TTBK1: variants seen among roughly 807,000 people sequenced by gnomAD.
TTBK1 encodes the protein tau-tubulin kinase 1.
Under a neutral mutation model 108.5 loss-of-function variants are expected in TTBK1, and 34 were observed. The observed-to-expected ratio is 0.31, with a 90% CI of 0.24 to 0.42. The LOEUF is 0.42. Among genes scored for constraint, TTBK1 ranks in the 10% least tolerant of loss-of-function variants. The pLI is 1.00. For synonymous variants in TTBK1, 809 were observed against 795.1 expected, an observed-to-expected ratio of 1.02 and a Z score of -0.29; for missense variants, 1,539 against 1,826.0, an observed-to-expected ratio of 0.84 and a Z score of 2.86.
chr6:43,254,966 A>G, intron 6 of TTBK1, 83 bp from the exon 7 acceptor site: 1 of 1,360,318 alleles, frequency 7.4e-7, no homozygotes, highest in Non-Finnish European at 1.1e-6. Context: ...GTCAGGGTGA[A>G]GAGTTAGACT....
chr6:43,253,182 G>A lies in TTBK1; in HGVS notation c.257-109G>A. The A allele has an allele frequency of 8.1e-7, 1 of 1,231,316 alleles. No homozygotes were observed. The allele number at this position is 1,231,316 out of a possible 1,614,324, so 76.3% of individuals were successfully genotyped here. On this transcript the variant is annotated intron_variant, in intron 3 of 14. Transcript: ENST00000259750. This position sits in a 1 kb window ranked among gnomAD's most constrained non-coding sequence, Gnocchi z 5.8. ...GAGGTGGCAAGACAGGTGCTCACAG[G>A]GCCAGCACTGGAGGGACCAGGAATC...
At chr6:43,258,646 C>T (rs1188159845) in intron 10 of TTBK1, among the ~76,000 whole-genome samples, 4 of 152,092 alleles carry the variant, frequency 2.6e-5, no homozygotes, top group Non-Finnish European at 5.9e-5. Context: ...ATCTATGCTC[C>T]CAGACTGCAA....
chr6:43,284,739 TGAG>T (rs1187180246), intron 14 of TTBK1, among the ~76,000 whole-genome samples: 1 of 152,142 alleles, frequency 6.6e-6, no homozygotes, highest in Non-Finnish European at 1.5e-5. Context: ...AAAGATGAAA[TGAG>T]GACCCCAAAG....
chr6:43,274,014 G>A (rs1436101339), intron 13 of TTBK1, among the ~76,000 whole-genome samples: 1 of 152,216 alleles, frequency 6.6e-6, no homozygotes, highest in African/African-American at 2.4e-5. Flanking sequence ...GCCTGAATGA[G>A]TGTGGGGGCC....
In TTBK1 at chr6:43,285,757, C is replaced by T. The variant is rs192548152; in HGVS notation, c.*381C>T. The T allele has an allele frequency of 6.1e-5, 10 of 164,470 alleles. No homozygotes were observed. Among genetic ancestry groups the T allele is most frequent in the Admixed American group, 1.3e-4 (2 of 15,554 alleles). 10.2% of individuals were successfully genotyped at this position (164,470 alleles called of 1,614,324 possible). A position where few individuals can be genotyped will look rare whatever the true frequency, so the allele number is the denominator to read the frequency against. ...TCGTTCGCCCACCAGGCCTAGGCTA[C>T]GCTCCATGCTCCCCCAGCAATCTCT... On this transcript the variant is annotated 3_prime_UTR_variant, in exon 15 of 15. Coordinates refer to ENST00000259750, the MANE Select transcript of TTBK1 (RefSeq NM_032538.3). The surrounding 1 kb of genome is among the most constrained non-coding windows in gnomAD (Gnocchi z 4.7).
Position 43,257,391 on chromosome 6 carries a change from G to A in TTBK1, c.862-421G>A, listed in dbSNP as rs546713720. Reference sequence around the variant, plus strand: ...CAGCTGTATGGTGGAGAGAATTTACGGTGAAGAGAAGGGAAGCTGCAGAGA... The same window carrying A: ...CAGCTGTATGGTGGAGAGAATTTACAGTGAAGAGAAGGGAAGCTGCAGAGA... On this transcript the variant is annotated intron_variant, in intron 9 of 14. Coordinates refer to ENST00000259750, the MANE Select transcript of TTBK1 (RefSeq NM_032538.3). The surrounding 1 kb of genome is among the most constrained non-coding windows in gnomAD (Gnocchi z 4.5). Among the ~76,000 whole-genome samples the A allele has an allele frequency of 3.9e-5, 6 of 152,150 alleles. No homozygotes were observed. Among genetic ancestry groups the A allele is most frequent in the Non-Finnish European group, 8.8e-5 (6 of 68,022 alleles).
At position 43,253,422 on chromosome 6, in the gene TTBK1, G is replaced by A. The variant is rs1012731837; in HGVS notation, c.330+58G>A. 3 of 1,608,572 alleles carry A rather than the reference G, an allele frequency of 1.9e-6. No individual in the cohort carries two copies. The highest frequency in any genetic ancestry group is 3.4e-5 in the Admixed American group (2 of 59,424). On this transcript the variant is annotated intron_variant, in intron 4 of 14. Transcript: ENST00000259750. The surrounding 1 kb of genome is among the most constrained non-coding windows in gnomAD (Gnocchi z 5.8). ...TCTAAGAGCTTGGGCTGTGACTCCA[G>A]GGTAGGGGAAGGGAAGGTAGACTGT...
In TTBK1 at chr6:43,263,404, G is replaced by T. The variant is rs1777599698; in HGVS notation, c.1986+54G>T. ...ATCTCCAGATGCCCAGAGTCCTGGT[G>T]TGTAGGCCTGGGGTGCTCCATGTGT... is the stretch of plus-strand genomic sequence containing the variant. On this transcript the variant is annotated intron_variant, in intron 13 of 14. Transcript: ENST00000259750. The surrounding 1 kb of genome is among the most constrained non-coding windows in gnomAD (Gnocchi z 4.7). 3 of 1,432,284 alleles carry T rather than the reference G, an allele frequency of 2.1e-6. No homozygotes were observed. The East Asian group carries it at 7.6e-5, about 36-fold the overall frequency. The allele number at this position is 1,432,284 out of a possible 1,614,324, so 88.7% of individuals were successfully genotyped here.
chr6:43,263,259 C>T lies in TTBK1; in HGVS notation c.1895C>T (p.Pro632Leu), dbSNP rs912285515. The T allele has an allele frequency of 6.5e-7, 1 of 1,544,974 alleles. No individual in the cohort carries two copies. The highest frequency in any genetic ancestry group is 8.7e-7 in the Non-Finnish European group (1 of 1,143,666). The change falls in exon 13 of 15, where the codon CCC becomes CTC. Residue 632 changes from proline (P) to leucine (L), a missense_variant. Physicochemically the swap from Pro to Leu is moderately conservative, Grantham distance 98. Transcript: ENST00000259750. This position sits in a 1 kb window ranked among gnomAD's most constrained non-coding sequence, Gnocchi z 4.7. Reference sequence around the variant, plus strand: ...GATGGCCGTTCCGAGACGTCACAGCCCCCCACGCCTGGCAGCCCTTCCCAC... The same window carrying T: ...GATGGCCGTTCCGAGACGTCACAGCTCCCCACGCCTGGCAGCCCTTCCCAC... ...QGDGRSETSQ[P>L]PTPGSPSHSP...
chr6:43,244,604 G>C (rs938732477), intron 1 of TTBK1, among the ~76,000 whole-genome samples: 12 of 152,120 alleles, frequency 7.9e-5, no homozygotes, highest in Admixed American at 7.2e-4. Context: ...AGAGAAGGAG[G>C]GTGGAGAGGG....
At chr6:43,255,966 CCT>C in intron 9 of TTBK1, 110 bp downstream of exon 9, 3 of 1,398,618 alleles carry the variant, frequency 2.1e-6, no homozygotes, top group Non-Finnish European at 3.0e-6. Context: ...TGTCCCCAAG[CCT>C]CTCCCCTTGG....
rs143693777 is a variant in TTBK1 at position 43,285,802 on chromosome 6, C to T, written c.*426C>T. On this transcript the variant is annotated 3_prime_UTR_variant, in exon 15 of 15. Transcript: ENST00000259750. The surrounding 1 kb of genome is among the most constrained non-coding windows in gnomAD (Gnocchi z 4.7). ...ATCTCTGCCTACACCTCCTGCGGCG[C>T]CTTGCCCTCCTCCGACCCCTTTCCA... 0.011 allele frequency: 1,653 copies of T among 155,654 alleles called. 16 individuals carry two copies. The highest frequency in any genetic ancestry group is 0.016 in the Middle Eastern group (5 of 304). The allele number at this position is 155,654 out of a possible 1,614,324, so 9.6% of individuals were successfully genotyped here. A position where few individuals can be genotyped will look rare whatever the true frequency, so the allele number is the denominator to read the frequency against.
chr6:43,285,052 C>A lies in TTBK1; in HGVS notation c.3642C>A (p.Arg1214=). The change falls in exon 15 of 15, where the codon CGC becomes CGA. Residue 1214 remains arginine (R), a synonymous_variant. Transcript: ENST00000259750. The surrounding 1 kb of genome is among the most constrained non-coding windows in gnomAD (Gnocchi z 4.7). ...ADLRPKQPPG[R]GLGPGRAQAG... ...TCCGCCCCAAACAACCTCCTGGCCG[C>A]GGCCTGGGCCCAGGGCGAGCCCAAG... 2 of 1,510,260 alleles carry A rather than the reference C, an allele frequency of 1.3e-6. No individual in the cohort carries two copies. The highest frequency in any genetic ancestry group is 2.1e-5 in the Admixed American group (1 of 47,896). 93.6% of individuals were successfully genotyped at this position (1,510,260 alleles called of 1,614,324 possible). A position where few individuals can be genotyped will look rare whatever the true frequency, so the allele number is the denominator to read the frequency against.
chr6:43,268,896 G>A (rs979782839), intron 13 of TTBK1, among the ~76,000 whole-genome samples: 8 of 152,226 alleles, frequency 5.3e-5, no homozygotes, highest in Non-Finnish European at 1.0e-4. Flanking sequence ...TCAGTGAAGA[G>A]CACAGCATTT....
chr6:43,279,602 A>AT (rs2150711385), intron 13 of TTBK1, among the ~76,000 whole-genome samples: 1 of 152,212 alleles, frequency 6.6e-6, no homozygotes, highest in South Asian at 2.1e-4. Context: ...TAGCCATAAC[A>AT]TTGGTGACTG....
intron 2 of TTBK1, among the ~76,000 whole-genome samples, chr6:43,251,893 T>G (rs1234845563): frequency 6.6e-6 from 1 of 152,140 alleles, no homozygotes; most frequent in African/African-American, 2.4e-5. Context: ...GAATCCCCTT[T>G]TGCCCACATA....
Position 43,254,575 on chromosome 6 carries a change from C to T in TTBK1, c.500C>T (p.Ser167Phe). Residue 167 changes from serine to phenylalanine, a missense_variant, in exon 6 of 15, where the codon TCC (serine) becomes TTC (phenylalanine). Physicochemically the swap from Ser to Phe is radical, Grantham distance 155. Coordinates refer to ENST00000259750, the MANE Select transcript of TTBK1 (RefSeq NM_032538.3). ...PSNFAMGRLP[S>F]TYRKCYMLDF... ...AACTTTGCCATGGGCAGGCTGCCCT[C>T]CACCTACAGGAAGTGCTATATGCTG... is the stretch of plus-strand genomic sequence containing the variant. 6.3e-7 allele frequency: 1 copy of T among 1,580,454 alleles called. No individual in the cohort carries two copies. The highest frequency in any genetic ancestry group is 8.6e-7 in the Non-Finnish European group (1 of 1,166,310).
chr6:43,271,421 T>C, intron 13 of TTBK1: 1 of 985,442 alleles, frequency 1.0e-6, no homozygotes, highest in Non-Finnish European at 1.2e-6. Flanking sequence ...TGCACAGTGC[T>C]GTATGAGTGT....
At chr6:43,267,260 T>A (rs1302683819) in intron 13 of TTBK1, among the ~76,000 whole-genome samples, 4 of 152,262 alleles carry the variant, frequency 2.6e-5, no homozygotes, top group Middle Eastern at 3.4e-3. Context: ...TTTTTTCTTC[T>A]GTCTTTGGGC....
Sources: allele counts gnomAD v4.1 joint callset (sites outside exome capture counted in the v4.1 genomes callset), GRCh38; gene constraint gnomAD v4.1.1; non-coding constraint Gnocchi (gnomAD v3.1); transcripts MANE v1.5; gene names NCBI Gene and HGNC (gene_info 2026-07-23, HGNC 2026-07-21).